Variants in ZNF385A observed in about 807,000 individuals in gnomAD.
ZNF385A encodes the protein zinc finger protein 385A, also known as hematopoietic zinc finger protein.
Under a neutral mutation model 32.1 loss-of-function variants are expected in ZNF385A, and 14 were observed. The observed-to-expected ratio is 0.44, with a 90% CI of 0.29 to 0.68. The LOEUF is 0.68. Ranked by LOEUF, ZNF385A falls within the 30% of genes least tolerant of loss-of-function variation. The pLI is 0.14. For missense variants in ZNF385A, 406 were observed against 478.4 expected, an observed-to-expected ratio of 0.85 and a Z score of 1.41; for synonymous variants, 197 against 202.7, an observed-to-expected ratio of 0.97 and a Z score of 0.24.
chr12:54,370,729 G>A lies in ZNF385A; in HGVS notation c.775-8C>T. The A allele has an allele frequency of 6.3e-7, 1 of 1,585,084 alleles. No individual in the cohort carries two copies. The highest frequency in any genetic ancestry group is 1.1e-5 in the South Asian group (1 of 88,438). On this transcript the variant is annotated splice_region_variant and splice_polypyrimidine_tract_variant and intron_variant, in intron 5 of 6. Transcript: ENST00000394313. The surrounding 1 kb of genome is among the most constrained non-coding windows in gnomAD (Gnocchi z 5.5). ...CCGCCGGCTGGAGATGTGCTGCGGGGGCCAGTGGATAGGGGGCTGTGAGCT... is the reference window on the plus strand; with the variant it reads ...CCGCCGGCTGGAGATGTGCTGCGGGAGCCAGTGGATAGGGGGCTGTGAGCT...
intron 1 of ZNF385A, among the ~76,000 whole-genome samples, chr12:54,378,692 G>A (rs961822773): frequency 2.0e-5 from 3 of 152,068 alleles, no homozygotes; most frequent in African/African-American, 7.2e-5. Context: ...AGGGAGCTAG[G>A]GGGTATCTAG....
At chr12:54,379,132 C>T (rs1326562699) in intron 1 of ZNF385A, 1 of 981,376 alleles carries the variant, frequency 1.0e-6, no homozygotes, top group African/African-American at 1.8e-5. Context: ...GGGGCCGCGC[C>T]TGGCCGGGCC....
chr12:54,373,337 A>T (rs1954659202), intron 3 of ZNF385A, among the ~76,000 whole-genome samples: 1 of 152,064 alleles, frequency 6.6e-6, no homozygotes, highest in South Asian at 2.1e-4. Flanking sequence ...GGGGTGGCTC[A>T]TCATATCTTC....
intron 1 of ZNF385A, among the ~76,000 whole-genome samples, chr12:54,380,612 C>T (rs1358188016): frequency 1.3e-5 from 2 of 152,188 alleles, no homozygotes; most frequent in Non-Finnish European, 2.9e-5. Context: ...CCTCCCCACC[C>T]GCTCCAGTGG....
chr12:54,370,885 G>T lies in ZNF385A; in HGVS notation c.774+42C>A. 1 of 1,613,564 alleles carries T rather than the reference G, an allele frequency of 6.2e-7. No individual in the cohort carries two copies. Among genetic ancestry groups the T allele is most frequent in the Non-Finnish European group, 8.5e-7 (1 of 1,179,604 alleles). ...CCTTGCTCCCCTTCCCCACTTAGCGGGTGGAGCGTCCCAGAATTCCTGGGA... is the reference window on the plus strand; with the variant it reads ...CCTTGCTCCCCTTCCCCACTTAGCGTGTGGAGCGTCCCAGAATTCCTGGGA... On this transcript the variant is annotated intron_variant, in intron 5 of 6. Transcript: ENST00000394313. The surrounding 1 kb of genome is among the most constrained non-coding windows in gnomAD (Gnocchi z 5.5).
At chr12:54,383,600 A>T (rs1270886184) in intron 1 of ZNF385A, among the ~76,000 whole-genome samples, 2 of 152,174 alleles carry the variant, frequency 1.3e-5, no homozygotes. Flanking sequence ...CCTGCTCAAG[A>T]ATAGACAGTG....
chr12:54,379,050 G>A, intron 1 of ZNF385A: 1 of 984,174 alleles, frequency 1.0e-6, no homozygotes, highest in African/African-American at 1.8e-5. Flanking sequence ...GAGAGAGGAG[G>A]GGCCGGGTGG....
chr12:54,379,197 C>G (rs1955008140), intron 1 of ZNF385A: 2 of 978,798 alleles, frequency 2.0e-6, no homozygotes, highest in Non-Finnish European at 2.4e-6. Context: ...CTGTGCGGCC[C>G]GGCCGGCGGG....
chr12:54,381,763 T>G (rs551091857), intron 1 of ZNF385A, among the ~76,000 whole-genome samples: 28 of 152,356 alleles, frequency 1.8e-4, no homozygotes, highest in African/African-American at 6.5e-4. Flanking sequence ...AAAGCCCAAA[T>G]TATATGTCAC....
chr12:54,381,193 C>CT (rs1490502367), intron 1 of ZNF385A: 2 of 118,506 alleles, frequency 1.7e-5, no homozygotes, highest in African/African-American at 3.7e-5. Context: ...AAGACTCTGT[C>CT]TCAAAAAAAA....
intron 4 of ZNF385A, 146 bp from the exon 5 acceptor site, chr12:54,371,242 C>G: frequency 1.8e-6 from 2 of 1,120,718 alleles, no homozygotes; most frequent in Non-Finnish European, 2.5e-6. Flanking sequence ...TCCTTGGGAC[C>G]CTCCCAAAGA....
At chr12:54,391,129 G>A (rs1955629593) in intron 1 of ZNF385A, 1 of 1,240,356 alleles carries the variant, frequency 8.1e-7, no homozygotes, top group African/African-American at 1.6e-5. Flanking sequence ...GTCGCTGACG[G>A]GCGGCCGCAG....
Position 54,370,307 on chromosome 12 carries a change from G to A in ZNF385A, c.1050C>T (p.Ala350=). 1 of 1,490,402 alleles carries A rather than the reference G, an allele frequency of 6.7e-7. No homozygotes were observed. Among genetic ancestry groups the A allele is most frequent in the Non-Finnish European group, 8.9e-7 (1 of 1,119,480 alleles). The allele number at this position is 1,490,402 out of a possible 1,614,324, so 92.3% of individuals were successfully genotyped here. ...CGTGCGCAGTTCGGATGGGTCCGGG[G>A]GCCGGGTGAAGCAGAGGGTGAGTGA... ...PPITHPLLHP[A]PGPIRTAHGP... Residue 350 remains alanine, a synonymous_variant, in exon 7 of 7, where the codon GCC becomes GCT. Coordinates refer to ENST00000394313, the MANE Select transcript of ZNF385A (RefSeq NM_015481.3). This position sits in a 1 kb window ranked among gnomAD's most constrained non-coding sequence, Gnocchi z 5.5.
Position 54,371,705 on chromosome 12 carries a change from C to A in ZNF385A, c.372G>T (p.Glu124Asp), listed in dbSNP as rs1156328062. 1 of 1,611,648 alleles carries A rather than the reference C, an allele frequency of 6.2e-7. No homozygotes were observed. Among genetic ancestry groups the A allele is most frequent in the South Asian group, 1.1e-5 (1 of 90,906 alleles). Reference sequence around the variant, plus strand: ...ATCCTGGGGCTGGCCCCAGTCCATTCTCCATGGAAACTGTTGTTGGGGGAG... The same window carrying A: ...ATCCTGGGGCTGGCCCCAGTCCATTATCCATGGAAACTGTTGTTGGGGGAG... Reference protein sequence around the residue: ...DGVAPRPVSMENGLGPAPGSP... With the variant: ...DGVAPRPVSMDNGLGPAPGSP... The change falls in exon 4 of 7, where the codon GAG (glutamate) becomes GAT (aspartate). Residue 124 changes from glutamate (E) to aspartate (D), a missense_variant. Physicochemically the swap from Glu to Asp is conservative, Grantham distance 45. Transcript: ENST00000394313.
At chr12:54,386,514 T>C (rs1955490780), upstream of ZNF385A, among the ~76,000 whole-genome samples, 2 of 152,094 alleles carry the variant, frequency 1.3e-5, no homozygotes, top group South Asian at 4.1e-4. Context: ...GTCTGTCCCC[T>C]TATGGCATCT....
At chr12:54,391,004 G>T (rs1275290523) in intron 1 of ZNF385A, among the ~76,000 whole-genome samples, 1 of 152,128 alleles carries the variant, frequency 6.6e-6, no homozygotes, top group Non-Finnish European at 1.5e-5. Flanking sequence ...ACTCCGCTCT[G>T]CCTCCCGCTT....
intron 1 of ZNF385A, among the ~76,000 whole-genome samples, chr12:54,384,076 T>C (rs1316861000): frequency 6.6e-6 from 1 of 152,228 alleles, no homozygotes; most frequent in Non-Finnish European, 1.5e-5. Context: ...TCCCTCTTTC[T>C]GGATTCAGCA....
intron 4 of ZNF385A, among the ~76,000 whole-genome samples, 177 bp downstream of exon 4, chr12:54,371,296 G>A (rs1285285205): frequency 6.6e-6 from 1 of 152,174 alleles, no homozygotes; most frequent in Non-Finnish European, 1.5e-5. Context: ...AAGATGGAGG[G>A]AGGAGCTGAG....
chr12:54,371,088 G>T lies in ZNF385A; in HGVS notation c.613C>A (p.His205Asn). 6.2e-7 allele frequency: 1 copy of T among 1,604,408 alleles called. No homozygotes were observed. The highest frequency in any genetic ancestry group is 8.5e-7 in the Non-Finnish European group (1 of 1,176,224). The change falls in exon 5 of 7, where the codon CAC becomes AAC. Residue 205 changes from histidine (H) to asparagine (N), a missense_variant. Physicochemically the swap from His to Asn is moderately conservative, Grantham distance 68 (BLOSUM62 1). Transcript: ENST00000394313. ...QLEAHNKGTKHKTILEARSGL... is the reference protein window; with the variant it reads ...QLEAHNKGTKNKTILEARSGL... ...CTTCGGGCCTCCAGAATTGTCTTGT[G>T]CTTAGTACCTGGAGCCCAGAGAGGG...
Sources: gnomAD v4.1 joint callset for allele counts (sites outside exome capture counted in the v4.1 genomes callset) on GRCh38, gnomAD v4.1.1 for gene constraint, Gnocchi (gnomAD v3.1) non-coding constraint, MANE v1.5 for transcripts, NCBI Gene and HGNC (gene_info 2026-07-23, HGNC 2026-07-21) for gene names.